Variants in CNTN5 observed in about 807,000 individuals in gnomAD.
The protein encoded by CNTN5 is contactin-5.
CNTN5 carries 77 observed loss-of-function variants against 129.1 expected under a neutral mutation model. The ratio of observed to expected loss-of-function variants is 0.60; its 90% CI spans 0.50 to 0.72. CNTN5 has a LOEUF of 0.72. Ranked by LOEUF, CNTN5 falls within the 30% of genes least tolerant of loss-of-function variation. The pLI is 0.00. For missense variants in CNTN5, 1,478 were observed against 1,328.8 expected (o/e 1.11, Z -1.75); for synonymous variants, 509 against 465.6 (o/e 1.09, Z -1.20).
chr11:100,297,825 A>G (rs1951128629), intron 19 of CNTN5, 130 bp downstream of exon 19: 2 of 671,324 alleles, frequency 3.0e-6, no homozygotes, highest in Non-Finnish European at 5.2e-6. Context: ...GGAAGGAATG[A>G]ACCACTGCTG....
At chr11:100,272,215 C>A (rs1950419667) in intron 18 of CNTN5, among the ~76,000 whole-genome samples, 1 of 152,036 alleles carries the variant, frequency 6.6e-6, no homozygotes, top group Admixed American at 6.6e-5. Context: ...TATACTGAAA[C>A]CTAGAACAGT....
intron 2 of CNTN5, among the ~76,000 whole-genome samples, chr11:99,484,390 G>T (rs1445505970): frequency 1.3e-5 from 2 of 152,176 alleles, no homozygotes; most frequent in African/African-American, 4.8e-5. Flanking sequence ...AAACGCTGGT[G>T]AGGATGTGGA....
At chr11:99,467,480 C>T (rs571606084) in intron 2 of CNTN5, among the ~76,000 whole-genome samples, 2 of 152,140 alleles carry the variant, frequency 1.3e-5, no homozygotes, top group Admixed American at 1.3e-4. Flanking sequence ...TTTGTCATAC[C>T]GCTTTATCAT....
chr11:99,743,203 G>A (rs569245923), intron 3 of CNTN5, among the ~76,000 whole-genome samples: 4 of 152,276 alleles, frequency 2.6e-5, no homozygotes, highest in Admixed American at 6.5e-5. Flanking sequence ...TAGATGTGTC[G>A]TTTTAAAATC....
At chr11:100,194,222 G>T (rs1948576602) in intron 15 of CNTN5, among the ~76,000 whole-genome samples, 1 of 151,922 alleles carries the variant, frequency 6.6e-6, no homozygotes, top group Middle Eastern at 3.4e-3. Flanking sequence ...AATGGAGTGG[G>T]AAATCTCTTG....
At chr11:99,160,984 A>C (rs1860582682) in intron 1 of CNTN5, among the ~76,000 whole-genome samples, 1 of 152,204 alleles carries the variant, frequency 6.6e-6, no homozygotes, top group Admixed American at 6.5e-5. Context: ...CCAGGTACAA[A>C]TCTATATATT....
At chr11:99,484,518 GC>G (rs1057456566) in intron 2 of CNTN5, among the ~76,000 whole-genome samples, 2 of 152,140 alleles carry the variant, frequency 1.3e-5, no homozygotes, top group African/African-American at 4.8e-5. Context: ...ATCTAGCAAT[GC>G]CACTACTGGG....
chr11:100,242,618 C>T (rs747921251), intron 16 of CNTN5, among the ~76,000 whole-genome samples: 8 of 152,114 alleles, frequency 5.3e-5, no homozygotes, highest in Non-Finnish European at 1.2e-4. Context: ...TTGTAAACAA[C>T]CAGATCTCAG....
In CNTN5 at chr11:100,052,075, A is replaced by C. The variant is rs146826230; in HGVS notation, c.981-9137A>C. Among the ~76,000 whole-genome samples, 14 of 152,072 alleles carry C rather than the reference A, an allele frequency of 9.2e-5. No individual in the cohort carries two copies. The East Asian group carries it at 2.7e-3, about 29-fold the overall frequency. On this transcript the variant is annotated intron_variant, in intron 9 of 24. Transcript: ENST00000524871. ...TTATCTCAGGAATGTACAGTGTTTT[A>C]ACTATTAAAAAGCAATTTATATAAT...
chr11:99,410,913 C>G (rs771477098), intron 2 of CNTN5, among the ~76,000 whole-genome samples: 3 of 152,126 alleles, frequency 2.0e-5, no homozygotes, highest in Non-Finnish European at 2.9e-5. Context: ...CTTTAACAAC[C>G]TAATCTTAGA....
At chr11:100,336,523 A>C (rs1438073001) in intron 21 of CNTN5, among the ~76,000 whole-genome samples, 1 of 152,248 alleles carries the variant, frequency 6.6e-6, no homozygotes, top group Non-Finnish European at 1.5e-5. Context: ...AATTGTATGA[A>C]GATATTAAAA....
rs115594953 is a variant in CNTN5 at position 99,990,186 on chromosome 11, C to G, written c.878-11848C>G. 4.9e-3 allele frequency among the ~76,000 whole-genome samples: 743 copies of G among 152,080 alleles called. 5 individuals are homozygous for G. Among genetic ancestry groups the G allele is most frequent in the African/African-American group, 0.017 (692 of 41,456 alleles). ...GTTATTGATGCACATGGAAGGAGCC[C>G]TCAAATGATGGTGGAAAGACATGAA... is the stretch of plus-strand genomic sequence containing the variant. On this transcript the variant is annotated intron_variant, in intron 8 of 24. Transcript: ENST00000524871.
intron 3 of CNTN5, among the ~76,000 whole-genome samples, chr11:99,755,878 A>G (rs1023054793): frequency 2.6e-5 from 4 of 152,134 alleles, no homozygotes. Flanking sequence ...ATCACAAGGT[A>G]TGATTATGAA....
In CNTN5 at chr11:100,277,444, G is replaced by A. The variant is rs1591465994; in HGVS notation, c.2314+6203G>A. Among the ~76,000 whole-genome samples the A allele has an allele frequency of 3.9e-5, 6 of 152,248 alleles. No homozygotes were observed. The South Asian group carries it at 1.2e-3, about 32-fold the overall frequency. On this transcript the variant is annotated intron_variant, in intron 18 of 24. Coordinates refer to ENST00000524871, the MANE Select transcript of CNTN5 (RefSeq NM_014361.4). ...ACTAATTTATGTTCCCACCAACAGT[G>A]TATGAGTGTTTCCTTTTCTCTAGAT...
chr11:99,086,919 A>G (rs991321444), intron 1 of CNTN5, among the ~76,000 whole-genome samples: 4 of 152,350 alleles, frequency 2.6e-5, no homozygotes, highest in Non-Finnish European at 5.9e-5. Context: ...TATAATCTTT[A>G]TAACAGTATC....
At chr11:99,840,023 A>G (rs1253141195) in intron 4 of CNTN5, among the ~76,000 whole-genome samples, 1 of 152,150 alleles carries the variant, frequency 6.6e-6, no homozygotes, top group African/African-American at 2.4e-5. Context: ...TGACTACACC[A>G]AGACATATCC....
At chr11:99,716,422 C>G (rs1955232595) in intron 3 of CNTN5, among the ~76,000 whole-genome samples, 1 of 152,126 alleles carries the variant, frequency 6.6e-6, no homozygotes, top group African/African-American at 2.4e-5. Flanking sequence ...CTCTGCTACT[C>G]CTCAGTATCC....
chr11:99,342,474 C>T (rs1218296221), intron 2 of CNTN5, among the ~76,000 whole-genome samples: 1 of 147,902 alleles, frequency 6.8e-6, no homozygotes, highest in African/African-American at 2.5e-5. Flanking sequence ...GTGACTCATG[C>T]CCGTAATCCC....
chr11:99,181,569 A>G (rs1260567054), intron 1 of CNTN5, among the ~76,000 whole-genome samples: 2 of 152,200 alleles, frequency 1.3e-5, no homozygotes, highest in Admixed American at 6.5e-5. Context: ...GTGGCTACCC[A>G]GTTGATGAAC....
Sources: allele counts gnomAD v4.1 joint callset (sites outside exome capture counted in the v4.1 genomes callset), GRCh38; gene constraint gnomAD v4.1.1; transcripts MANE v1.5; gene names NCBI Gene and HGNC (gene_info 2026-07-23, HGNC 2026-07-21).